The following WDFY4 variants were observed in gnomAD, a reference collection of about 807,000 sequenced individuals.
WDFY4 encodes WD repeat- and FYVE domain-containing protein 4.
WDFY4 carries 169 observed loss-of-function variants against 351.9 expected under a neutral mutation model. The ratio of observed to expected loss-of-function variants is 0.48; its 90% confidence interval spans 0.42 to 0.55. WDFY4 has a LOEUF of 0.55. Among genes scored for constraint, WDFY4 ranks in the 20% least tolerant of loss-of-function variants. The probability of loss-of-function intolerance (pLI) is 0.00; values close to 1 mark genes in which losing one functional copy is unlikely to be tolerated. For missense variants in WDFY4, 3,803 were observed against 3,935.6 expected (o/e 0.97, Z 0.90); for synonymous variants, 1,622 against 1,574.6 (o/e 1.03, Z -0.71).
chr10:48,901,593 G>A (rs953111848), intron 46 of WDFY4, among the ~76,000 whole-genome samples: 10 of 152,192 alleles, frequency 6.6e-5, no homozygotes, highest in African/African-American at 1.9e-4. Context: ...TGTCATTGTT[G>A]GTATTAAGGC....
chr10:48,735,484 G>C (rs559841393), intron 10 of WDFY4, among the ~76,000 whole-genome samples: 2 of 152,106 alleles, frequency 1.3e-5, no homozygotes, highest in East Asian at 3.9e-4. Context: ...TTATTACTTA[G>C]GTTTCTATTT....
At chr10:48,774,729 G>A (rs2065972932) in intron 14 of WDFY4, 57 bp downstream of exon 14, 2 of 1,540,174 alleles carry the variant, frequency 1.3e-6, no homozygotes, top group Non-Finnish European at 1.8e-6. Flanking sequence ...CCTTTGCAGG[G>A]CAGGGGTTGC....
chr10:48,898,119 A>T (rs1837180530), intron 45 of WDFY4, among the ~76,000 whole-genome samples: 1 of 152,014 alleles, frequency 6.6e-6, no homozygotes, highest in South Asian at 2.1e-4. Context: ...TGCCTCACCC[A>T]TGCCTTCAAG....
intron 11 of WDFY4, 200 bp downstream of exon 11, chr10:48,736,270 A>G: frequency 6.2e-6 from 4 of 650,084 alleles, no homozygotes; most frequent in Non-Finnish European, 8.3e-6. Flanking sequence ...TTTCTTTGCA[A>G]CATACAGTCC....
At chr10:48,881,853 C>T (rs2070262508) in intron 43 of WDFY4, among the ~76,000 whole-genome samples, 1 of 152,182 alleles carries the variant, frequency 6.6e-6, no homozygotes, top group Non-Finnish European at 1.5e-5. Flanking sequence ...CCTGGGTGAA[C>T]CTGTCCTGGT....
intron 47 of WDFY4, among the ~76,000 whole-genome samples, chr10:48,911,939 T>G (rs1021036672): frequency 6.6e-6 from 1 of 152,226 alleles, no homozygotes. Flanking sequence ...ATGTGCTGTG[T>G]GCTGTGGTTG....
chr10:48,733,322 T>C (rs1391766178), intron 9 of WDFY4, among the ~76,000 whole-genome samples: 1 of 152,146 alleles, frequency 6.6e-6, no homozygotes, highest in Non-Finnish European at 1.5e-5. Flanking sequence ...CATTCATTCA[T>C]TCCCCAAATA....
intron 47 of WDFY4, among the ~76,000 whole-genome samples, chr10:48,903,799 G>T (rs1343238946): frequency 6.6e-6 from 1 of 152,222 alleles, no homozygotes; most frequent in East Asian, 1.9e-4. Flanking sequence ...GTTCAAGTGA[G>T]ACATAAATTT....
intron 13 of WDFY4, among the ~76,000 whole-genome samples, chr10:48,764,464 G>T (rs2132542691): frequency 6.6e-6 from 1 of 152,318 alleles, no homozygotes; most frequent in Non-Finnish European, 1.5e-5. Context: ...AACTAATTGG[G>T]AATAAAGATA....
chr10:48,838,638 T>C (rs984029975), intron 39 of WDFY4, among the ~76,000 whole-genome samples: 5 of 152,230 alleles, frequency 3.3e-5, no homozygotes, highest in African/African-American at 1.2e-4. Context: ...TCCCCATGTA[T>C]CTATCCATCA....
intron 17 of WDFY4, 77 bp from the exon 18 acceptor site, chr10:48,778,534 A>G: frequency 7.0e-7 from 1 of 1,430,956 alleles, no homozygotes; most frequent in Non-Finnish European, 9.5e-7. Flanking sequence ...GGGCTAAATC[A>G]GCACCATAGT....
intron 39 of WDFY4, among the ~76,000 whole-genome samples, chr10:48,838,134 G>A (rs554691409): frequency 7.2e-5 from 11 of 152,346 alleles, no homozygotes; most frequent in Non-Finnish European, 1.0e-4. Flanking sequence ...CACCAGAAGC[G>A]TGAGGATGAT....
intron 47 of WDFY4, among the ~76,000 whole-genome samples, chr10:48,917,141 G>A (rs1838625029): frequency 6.6e-6 from 1 of 152,134 alleles, no homozygotes; most frequent in African/African-American, 2.4e-5. Flanking sequence ...GTCTATAGTA[G>A]GCTATACCAT....
At chr10:48,804,513 C>T (rs1327669739) in intron 25 of WDFY4, among the ~76,000 whole-genome samples, 1 of 141,298 alleles carries the variant, frequency 7.1e-6, no homozygotes, top group Non-Finnish European at 1.5e-5. Context: ...GGTCCTGCCT[C>T]TTTTGTGTAT....
At chr10:48,911,317 C>T (rs1019809168) in intron 47 of WDFY4, among the ~76,000 whole-genome samples, 19 of 152,304 alleles carry the variant, frequency 1.2e-4, no homozygotes, top group African/African-American at 3.8e-4. Flanking sequence ...TTCTCTACTA[C>T]GTTACTGGTA....
rs1393182745 is a variant in WDFY4 at position 48,725,911 on chromosome 10, G to C, written c.622G>C (p.Gly208Arg). Reference protein sequence around the residue: ...MLLNICSDSQGLEGLLSGSEL... With the variant: ...MLLNICSDSQRLEGLLSGSEL... ...GCTCAATATTTGCAGTGACTCTCAGGGCCTGGAGGGACTCCTCTCAGGAAG... is the reference window on the plus strand; with the variant it reads ...GCTCAATATTTGCAGTGACTCTCAGCGCCTGGAGGGACTCCTCTCAGGAAG... The change falls in exon 6 of 62, where the codon GGC becomes CGC. Residue 208 changes from glycine (G) to arginine (R), a missense_variant. Gly to Arg is a moderately radical substitution (Grantham distance 125, BLOSUM62 -2). Coordinates refer to ENST00000325239, the MANE Select transcript of WDFY4 (RefSeq NM_001394531.1). 1.9e-6 allele frequency: 3 copies of C among 1,550,272 alleles called. No individual in the cohort carries two copies. Among genetic ancestry groups the C allele is most frequent in the Non-Finnish European group, 2.6e-6 (3 of 1,145,994 alleles).
intron 38 of WDFY4, among the ~76,000 whole-genome samples, chr10:48,831,607 T>C (rs1157144584): frequency 6.6e-6 from 1 of 152,208 alleles, no homozygotes; most frequent in African/African-American, 2.4e-5. Context: ...CAAGTGTATA[T>C]ATACATATCT....
chr10:48,821,837 T>C lies in WDFY4; in HGVS notation c.5825-543T>C, dbSNP rs114116823. Among the ~76,000 whole-genome samples the C allele has an allele frequency of 7.8e-3, 1,194 of 152,232 alleles. 14 individuals carry two copies. Among genetic ancestry groups the C allele is most frequent in the African/African-American group, 0.027 (1,118 of 41,538 alleles). ...GGGTGGTGAAGTGTGGGTTTGGCAA[T>C]CCCAGTTCTGGACTTGGCTCTGCCA... On this transcript the variant is annotated intron_variant, in intron 34 of 61. Coordinates refer to ENST00000325239, the MANE Select transcript of WDFY4 (RefSeq NM_001394531.1).
rs1020357877 is a variant in WDFY4 at position 48,900,306 on chromosome 10, G to T, written c.7523G>T (p.Ser2508Ile). ...AATGATCGGAGTAAGGCCTTTAAAA[G>T]GTAAGAGCTTGAAAATCCTCCTTCT... ...YNNDRSKAFK[S>I]FCSFQPSLKG... The change falls in exon 46 of 62, where the codon AGC becomes ATC. Residue 2508 changes from serine (S) to isoleucine (I), a missense_variant and splice_region_variant. Physicochemically the swap from Ser to Ile is moderately radical, Grantham distance 142. This residue lies in a region of WDFY4 where 3,054 missense variants were observed against 3,148.6 expected (regional missense o/e 0.97). Coordinates refer to ENST00000325239, the MANE Select transcript of WDFY4 (RefSeq NM_001394531.1). The T allele has an allele frequency of 1.9e-6, 3 of 1,550,554 alleles. No individual in the cohort carries two copies. The highest frequency in any genetic ancestry group is 4.9e-5 in the East Asian group (2 of 40,884).
Sources: allele counts gnomAD v4.1 joint callset (sites outside exome capture counted in the v4.1 genomes callset), GRCh38; gene constraint gnomAD v4.1.1; regional missense constraint gnomAD v4.1.1; transcripts MANE v1.5; gene names NCBI Gene and HGNC (gene_info 2026-07-23, HGNC 2026-07-21).